The following MUC7 variants were observed in gnomAD, a reference collection of about 807,000 sequenced individuals.
MUC7 encodes the protein mucin-7.
MUC7 carries 2 observed loss-of-function variants against 2.5 expected under a neutral mutation model. The ratio of observed to expected loss-of-function variants is 0.81; its 90% confidence interval spans 0.33 to 2.55. The LOEUF is 2.55. Among genes scored for constraint, MUC7 ranks in the 30% most tolerant of loss-of-function variants. The pLI, the probability that MUC7 is intolerant of heterozygous loss-of-function variation, is 0.11. For missense variants in MUC7, 408 were observed against 455.6 expected, an observed-to-expected ratio of 0.90 and a Z score of 0.95; for synonymous variants, 133 against 173.4, an observed-to-expected ratio of 0.77 and a Z score of 1.83.
At chr4:70,431,275 C>A (rs1031096285) in intron 1 of MUC7, among the ~76,000 whole-genome samples, 7 of 151,780 alleles carry the variant, frequency 4.6e-5, no homozygotes, top group African/African-American at 1.7e-4. Context: ...TCATTTGTAA[C>A]AAGGCCAAAA....
intron 1 of MUC7, among the ~76,000 whole-genome samples, chr4:70,435,591 T>C (rs1577896468): frequency 6.6e-6 from 1 of 152,246 alleles, no homozygotes; most frequent in Non-Finnish European, 1.5e-5. Context: ...TGAACCTATG[T>C]ATATCTTTGC....
At chr4:70,444,967 G>A (rs62322545) in intron 1 of MUC7, among the ~76,000 whole-genome samples, 23,305 of 152,160 alleles carry the variant, frequency 0.15, 1,921 homozygotes, top group Middle Eastern at 0.25. Flanking sequence ...CAAGAGAATC[G>A]CTTGAACCTG....
intron 1 of MUC7, among the ~76,000 whole-genome samples, chr4:70,432,478 T>C (rs912234489): frequency 6.6e-6 from 1 of 152,252 alleles, no homozygotes; most frequent in African/African-American, 2.4e-5. Flanking sequence ...GGTTTTGATT[T>C]GCATTTCTCT....
chr4:70,443,468 C>T (rs1734053108), intron 1 of MUC7, among the ~76,000 whole-genome samples: 1 of 152,134 alleles, frequency 6.6e-6, no homozygotes, highest in African/African-American at 2.4e-5. Flanking sequence ...TAGAATACTA[C>T]CAAGGAAATC....
intron 1 of MUC7, among the ~76,000 whole-genome samples, chr4:70,451,659 A>C (rs1343786472): frequency 2.0e-5 from 3 of 152,116 alleles, no homozygotes; most frequent in Admixed American, 2.0e-4. Flanking sequence ...TTAATGTTTT[A>C]AGACTTGTTT....
At chr4:70,434,171 C>A (rs1026347469) in intron 1 of MUC7, among the ~76,000 whole-genome samples, 1 of 151,896 alleles carries the variant, frequency 6.6e-6, no homozygotes, top group African/African-American at 2.4e-5. Context: ...GCAAAACTGG[C>A]CTAAAATTAA....
chr4:70,470,429 A>G (rs7695835), upstream of MUC7, among the ~76,000 whole-genome samples: 1,242 of 152,108 alleles, frequency 8.2e-3, 15 homozygotes, highest in African/African-American at 0.028. Flanking sequence ...TAATAAATGC[A>G]TAAGTGTTAC....
At chr4:70,438,170 A>G (rs573417765) in intron 1 of MUC7, among the ~76,000 whole-genome samples, 1 of 152,262 alleles carries the variant, frequency 6.6e-6, no homozygotes, top group East Asian at 1.9e-4. Context: ...GATCTTAGAA[A>G]CTTCATTTCT....
Position 70,482,899 on chromosome 4 carries a change from G to A in MUC7, c.*1021G>A, listed in dbSNP as rs1481813174. On this transcript the variant is annotated 3_prime_UTR_variant, in exon 3 of 3. Transcript: ENST00000304887. The stretch of plus-strand genomic sequence containing the variant: ...TTGGTATACGGAGATGTTAATTTGG[G>A]ATATGGAGGCATTTTTATCTTCTGT... 1.3e-5 allele frequency: 2 copies of A among 152,216 alleles called. No individual in the cohort carries two copies. The highest frequency in any genetic ancestry group is 2.9e-5 in the Non-Finnish European group (2 of 68,016). 9.4% of individuals were successfully genotyped at this position (152,216 alleles called of 1,614,324 possible).
chr4:70,476,055 A>T (rs1734991615), intron 2 of MUC7, among the ~76,000 whole-genome samples: 1 of 152,204 alleles, frequency 6.6e-6, no homozygotes, highest in Non-Finnish European at 1.5e-5. Context: ...GAATCTATTT[A>T]TAGGGCCCCA....
At position 70,481,762 on chromosome 4, in the gene MUC7, C is replaced by T; in HGVS notation, c.1018C>T (p.Gln340Ter). ...CCAGACTACTACTTCGGTCACTACT[C>T]AAACTACTACTACTAAACAACCAAC... ...THQTTTSVTT[Q>*]TTTTKQPTSA... The change falls in exon 3 of 3, where the codon CAA becomes TAA. Residue 340 changes from glutamine (Q) to a stop codon, truncating the protein, a stop_gained. Coordinates refer to ENST00000304887, the MANE Select transcript of MUC7 (RefSeq NM_152291.3). LOFTEE classifies it low-confidence loss of function (END_TRUNC). 3 of 1,614,188 alleles carry T rather than the reference C, an allele frequency of 1.9e-6. No homozygotes were observed. The highest frequency in any genetic ancestry group is 2.5e-6 in the Non-Finnish European group (3 of 1,180,028).
rs1463295465 is a variant in MUC7 at position 70,482,814 on chromosome 4, A to G, written c.*936A>G. On this transcript the variant is annotated 3_prime_UTR_variant, in exon 3 of 3. Transcript: ENST00000304887. ...ACTACTGCTTTAATGTCAAGTTTGC[A>G]GAATTGTCTCTGAAAATAAAAACCC... 6.6e-6 allele frequency: 1 copy of G among 152,236 alleles called. No individual in the cohort carries two copies. Among genetic ancestry groups the G allele is most frequent in the Non-Finnish European group, 1.5e-5 (1 of 68,032 alleles). 9.4% of individuals were successfully genotyped at this position (152,236 alleles called of 1,614,324 possible).
At chr4:70,463,710 C>T (rs1298867815) in intron 1 of MUC7, among the ~76,000 whole-genome samples, 1 of 152,088 alleles carries the variant, frequency 6.6e-6, no homozygotes, top group Non-Finnish European at 1.5e-5. Context: ...TGGCGTATAC[C>T]ATCATCAGTT....
At chr4:70,444,842 A>G (rs1170231187) in intron 1 of MUC7, among the ~76,000 whole-genome samples, 3 of 152,170 alleles carry the variant, frequency 2.0e-5, no homozygotes, top group Non-Finnish European at 4.4e-5. Flanking sequence ...ACCTGAGGTC[A>G]GGAGTTCGAG....
At chr4:70,468,758 G>T (rs956369409), upstream of MUC7, among the ~76,000 whole-genome samples, 4 of 152,116 alleles carry the variant, frequency 2.6e-5, no homozygotes, top group African/African-American at 9.7e-5. Flanking sequence ...AATAAGACAG[G>T]ACACAAACAA....
upstream of MUC7, among the ~76,000 whole-genome samples, chr4:70,471,747 A>G (rs1304123104): frequency 2.0e-5 from 3 of 152,206 alleles, no homozygotes; most frequent in Non-Finnish European, 2.9e-5. Flanking sequence ...ACTGCCCTGC[A>G]CCAGTACTTG....
chr4:70,470,391 A>G (rs1314632857), upstream of MUC7, among the ~76,000 whole-genome samples: 2 of 152,196 alleles, frequency 1.3e-5, no homozygotes, highest in African/African-American at 4.8e-5. Flanking sequence ...ATGTATCCCA[A>G]GAGAATATAA....
At chr4:70,445,434 A>C (rs1439581002) in intron 1 of MUC7, among the ~76,000 whole-genome samples, 3 of 152,232 alleles carry the variant, frequency 2.0e-5, no homozygotes, top group Non-Finnish European at 2.9e-5. Context: ...ATAGAAGATT[A>C]TGTAAGCAGC....
At chr4:70,453,370 C>A (rs1051997049) in intron 1 of MUC7, among the ~76,000 whole-genome samples, 4 of 152,208 alleles carry the variant, frequency 2.6e-5, no homozygotes, top group Non-Finnish European at 5.9e-5. Context: ...GTCTTTTCTC[C>A]TCTTTTCAAA....
Sources: gnomAD v4.1 joint callset for allele counts (sites outside exome capture counted in the v4.1 genomes callset) on GRCh38, gnomAD v4.1.1 for gene constraint, MANE v1.5 for transcripts, NCBI Gene and HGNC (gene_info 2026-07-23, HGNC 2026-07-21) for gene names.